PUS7: variants seen among roughly 807,000 people sequenced by gnomAD.
PUS7 encodes pseudouridine synthase 7.
In PUS7, 48 loss-of-function variants were observed where a neutral mutation model predicts 79.8. That is an observed-to-expected ratio of 0.60 (90% CI 0.48 to 0.76). The LOEUF (loss-of-function observed/expected upper bound fraction) is 0.76, where lower values mean the gene tolerates loss of function less well. Ranked by LOEUF, PUS7 falls within the 30% of genes least tolerant of loss-of-function variation. The probability of loss-of-function intolerance (pLI) is 0.00; values close to 1 mark genes in which losing one functional copy is unlikely to be tolerated. For synonymous variants in PUS7, 286 were observed against 272.2 expected (o/e 1.05, Z -0.50); for missense variants, 729 against 797.6 (o/e 0.91, Z 1.04).
intron 6 of PUS7, among the ~76,000 whole-genome samples, chr7:105,492,887 C>T (rs1365361111): frequency 6.6e-6 from 1 of 152,148 alleles, no homozygotes; most frequent in East Asian, 1.9e-4. Flanking sequence ...AGGTGATCCA[C>T]CCGCCTCGGC....
chr7:105,487,977 C>T (rs566231047), intron 7 of PUS7, among the ~76,000 whole-genome samples: 134 of 152,238 alleles, frequency 8.8e-4, no homozygotes, highest in African/African-American at 3.0e-3. Flanking sequence ...CAAGTTCCCA[C>T]GGGAAAGGCC....
At chr7:105,517,708 A>G (rs984918894) in intron 1 of PUS7, among the ~76,000 whole-genome samples, 10 of 152,106 alleles carry the variant, frequency 6.6e-5, no homozygotes, top group Non-Finnish European at 1.5e-4. Context: ...GGCTGCAGTA[A>G]GTTATGATCA....
chr7:105,508,388 T>C lies in PUS7; in HGVS notation c.125A>G (p.Lys42Arg), dbSNP rs151112928. 1.0e-4 allele frequency: 168 copies of C among 1,613,988 alleles called. No individual in the cohort carries two copies. The highest frequency in any genetic ancestry group is 5.7e-5 in the Non-Finnish European group (67 of 1,180,026). ...KQKLSECSLT[K>R]GQDGLQNDFL... ...GTCATTCTGTAGCCCATCTTGACCT[T>C]TGGTTAGACTGCATTCCGACAGCTT... is the stretch of plus-strand genomic sequence containing the variant. The change falls in exon 2 of 16, where the codon AAA becomes AGA. Residue 42 changes from lysine (K) to arginine (R), a missense_variant. Lys to Arg is a conservative substitution (Grantham distance 26). Coordinates refer to ENST00000469408, the MANE Select transcript of PUS7 (RefSeq NM_019042.5).
At chr7:105,489,010 T>C (rs1824668736) in intron 7 of PUS7, among the ~76,000 whole-genome samples, 1 of 151,840 alleles carries the variant, frequency 6.6e-6, no homozygotes, top group African/African-American at 2.4e-5. Context: ...TAGCTGGGCA[T>C]GGTGGCGGGC....
chr7:105,509,249 ATGT>A (rs1347121127), intron 1 of PUS7, among the ~76,000 whole-genome samples: 2 of 149,790 alleles, frequency 1.3e-5, no homozygotes, highest in Non-Finnish European at 3.0e-5. Context: ...GGCATAGTTA[ATGT>A]TGTTCATACG....
At chr7:105,484,584 C>T (rs994351863) in intron 7 of PUS7, among the ~76,000 whole-genome samples, 8 of 150,858 alleles carry the variant, frequency 5.3e-5, no homozygotes, top group Admixed American at 1.3e-4. Flanking sequence ...TTTGGGAGGC[C>T]GAGGCGGGCG....
At chr7:105,467,782 A>C (rs896935670) in intron 12 of PUS7, among the ~76,000 whole-genome samples, 1 of 151,888 alleles carries the variant, frequency 6.6e-6, no homozygotes, top group East Asian at 2.0e-4. Flanking sequence ...TAATCCCAGC[A>C]CTTTGGGAGG....
intron 2 of PUS7, 127 bp downstream of exon 2, chr7:105,507,988 T>G: frequency 8.0e-7 from 1 of 1,253,976 alleles, no homozygotes. Flanking sequence ...TTCATCCTAT[T>G]CCTTTTGATC....
At chr7:105,474,483 G>A (rs1052430583) in intron 9 of PUS7, among the ~76,000 whole-genome samples, 1 of 151,932 alleles carries the variant, frequency 6.6e-6, no homozygotes, top group Non-Finnish European at 1.5e-5. Context: ...AAAAACCTTT[G>A]TTAGGCCGGG....
chr7:105,495,481 C>T (rs965403614), intron 5 of PUS7: 30 of 335,592 alleles, frequency 8.9e-5, no homozygotes, highest in African/African-American at 4.9e-4. Context: ...TGGCTGGGCA[C>T]GGTGGCTCAC....
At chr7:105,472,111 T>C (rs1056135290) in intron 10 of PUS7, 21 bp downstream of exon 10, 2 of 1,546,824 alleles carry the variant, frequency 1.3e-6, no homozygotes, top group Admixed American at 1.7e-5. Context: ...TTTATTTTCT[T>C]AACATGAATT....
rs1302877786 is a variant in PUS7 at position 105,456,690 on chromosome 7, A to C, written c.*1100T>G. The C allele has an allele frequency of 2.0e-5, 3 of 152,216 alleles. No individual in the cohort carries two copies. Among genetic ancestry groups the C allele is most frequent in the Non-Finnish European group, 4.4e-5 (3 of 68,036 alleles). 9.4% of individuals were successfully genotyped at this position (152,216 alleles called of 1,614,324 possible). A position where few individuals can be genotyped will look rare whatever the true frequency, so the allele number is the denominator to read the frequency against. On this transcript the variant is annotated 3_prime_UTR_variant, in exon 16 of 16. Transcript: ENST00000469408. ...AAGTTTATGCAATGCCAGACATGGAAATACCAAAGCCACTGGTGACAAAGG... is the reference window on the plus strand; with the variant it reads ...AAGTTTATGCAATGCCAGACATGGACATACCAAAGCCACTGGTGACAAAGG...
chr7:105,515,791 T>TTTTATTTTATTTTATTTATTTA (rs1554353688), intron 1 of PUS7, among the ~76,000 whole-genome samples: 5 of 121,270 alleles, frequency 4.1e-5, no homozygotes, highest in African/African-American at 1.6e-4. Context: ...TTTTATTTTA[T>TTTTATTTTATTTTATTTATTTA]TTTATTTATT....
chr7:105,468,992 C>T (rs1325964826), intron 11 of PUS7, among the ~76,000 whole-genome samples: 2 of 152,022 alleles, frequency 1.3e-5, no homozygotes, highest in African/African-American at 2.4e-5. Flanking sequence ...GCCTCAAATG[C>T]TCAGGCTCAG....
At chr7:105,519,849 C>T (rs1826035775) in intron 1 of PUS7, among the ~76,000 whole-genome samples, 1 of 152,118 alleles carries the variant, frequency 6.6e-6, no homozygotes, top group Non-Finnish European at 1.5e-5. Flanking sequence ...AAGGAAGAAC[C>T]AGACAGGAAA....
In PUS7 at chr7:105,465,351, G is replaced by A. The variant is rs1186041599; in HGVS notation, c.1589C>T (p.Pro530Leu). The change falls in exon 13 of 16, where the codon CCC becomes CTC. Residue 530 changes from proline to leucine, a missense_variant. Coordinates refer to ENST00000469408, the MANE Select transcript of PUS7 (RefSeq NM_019042.5). ...NNYSIHDVVM[P>L]LPGFDVIYPK... ...GTAGATAACATCGAAACCAGGCAAG[G>A]GCATTACCACATCATGGATAGAGTA... 20 of 1,613,562 alleles carry A rather than the reference G, an allele frequency of 1.2e-5. No homozygotes were observed. The highest frequency in any genetic ancestry group is 1.7e-5 in the Non-Finnish European group (20 of 1,179,628).
At chr7:105,488,643 A>C (rs931684029) in intron 7 of PUS7, among the ~76,000 whole-genome samples, 5 of 152,270 alleles carry the variant, frequency 3.3e-5, no homozygotes, top group African/African-American at 1.2e-4. Context: ...AGTTTAAATT[A>C]GGATATATCC....
chr7:105,486,998 T>G (rs1746134346), intron 7 of PUS7, among the ~76,000 whole-genome samples: 1 of 152,140 alleles, frequency 6.6e-6, no homozygotes, highest in Non-Finnish European at 1.5e-5. Context: ...AGGCTGAGGT[T>G]GCAGTGAGCC....
chr7:105,489,021 G>A (rs921437585), intron 7 of PUS7, among the ~76,000 whole-genome samples: 1 of 151,670 alleles, frequency 6.6e-6, no homozygotes, highest in Non-Finnish European at 1.5e-5. Flanking sequence ...GGTGGCGGGC[G>A]CCTGTAGTCC....
Sources: gnomAD v4.1 joint callset for allele counts (sites outside exome capture counted in the v4.1 genomes callset) on GRCh38, gnomAD v4.1.1 for gene constraint, MANE v1.5 for transcripts, NCBI Gene and HGNC (gene_info 2026-07-23, HGNC 2026-07-21) for gene names.